Variants in ADGRL4 observed in about 807,000 individuals in gnomAD.
ADGRL4 encodes the protein adhesion G protein-coupled receptor L4.
In ADGRL4, 90 loss-of-function variants were observed where a neutral mutation model predicts 74.8. The observed-to-expected ratio is 1.20, with a 90% CI of 1.02 to 1.43. The LOEUF is 1.43. Among genes scored for constraint, ADGRL4 ranks in the 40% most tolerant of loss-of-function variants. ADGRL4 has a pLI of 0.00. For synonymous variants in ADGRL4, 311 were observed against 279.2 expected (o/e 1.11, Z -1.14); for missense variants, 881 against 814.3 (o/e 1.08, Z -1.00).
chr1:78,956,965 T>C (rs1355665920), intron 2 of ADGRL4, among the ~76,000 whole-genome samples: 7 of 152,190 alleles, frequency 4.6e-5, no homozygotes, highest in Non-Finnish European at 8.8e-5. Context: ...ACTTCAAGTC[T>C]GTGTCATATT....
chr1:78,906,052 C>T (rs1648628237), intron 12 of ADGRL4, among the ~76,000 whole-genome samples: 1 of 151,842 alleles, frequency 6.6e-6, no homozygotes, highest in Non-Finnish European at 1.5e-5. Context: ...TGGATAGACA[C>T]AATGGACAAC....
At chr1:78,962,027 T>C (rs1649963442) in intron 2 of ADGRL4, among the ~76,000 whole-genome samples, 1 of 152,050 alleles carries the variant, frequency 6.6e-6, no homozygotes, top group Admixed American at 6.6e-5. Flanking sequence ...ATTGCAGGCA[T>C]GCGCCATCAC....
intron 7 of ADGRL4, among the ~76,000 whole-genome samples, chr1:78,931,268 G>A (rs554874936): frequency 4.0e-5 from 6 of 151,458 alleles, no homozygotes; most frequent in African/African-American, 1.5e-4. Context: ...GAGATTGGGG[G>A]CCAATATTCA....
At chr1:78,961,824 C>A (rs147165365) in intron 2 of ADGRL4, among the ~76,000 whole-genome samples, 986 of 152,032 alleles carry the variant, frequency 6.5e-3, no homozygotes, top group Non-Finnish European at 0.011. Flanking sequence ...AAAGAGCAGT[C>A]CTGCATCATG....
intron 7 of ADGRL4, among the ~76,000 whole-genome samples, chr1:78,933,322 C>T (rs1392669855): frequency 1.3e-5 from 2 of 151,416 alleles, no homozygotes; most frequent in Non-Finnish European, 2.9e-5. Flanking sequence ...GAACCCAAGA[C>T]AAAAACCACA....
At chr1:78,892,248 CAAAAT>C (rs1346559130) in intron 13 of ADGRL4, among the ~76,000 whole-genome samples, 8 of 151,984 alleles carry the variant, frequency 5.3e-5, no homozygotes, top group Admixed American at 2.0e-4. Flanking sequence ...AAAAATATGT[CAAAAT>C]AAATTCATCA....
chr1:78,958,589 T>G (rs1268684749), intron 2 of ADGRL4, among the ~76,000 whole-genome samples: 2 of 152,190 alleles, frequency 1.3e-5, no homozygotes, highest in Admixed American at 6.5e-5. Context: ...TGCAATCTCA[T>G]GATATAACTT....
chr1:78,937,647 G>T (rs1158478610), intron 6 of ADGRL4, among the ~76,000 whole-genome samples, 160 bp downstream of exon 6: 1 of 152,164 alleles, frequency 6.6e-6, no homozygotes, highest in African/African-American at 2.4e-5. Flanking sequence ...TATTCACAAT[G>T]CTTTTGCAAT....
At chr1:78,891,729 A>G in intron 13 of ADGRL4, 37 bp from the exon 14 acceptor site, 1 of 1,560,274 alleles carries the variant, frequency 6.4e-7, no homozygotes, top group South Asian at 1.2e-5. Context: ...GAAGAAAGCT[A>G]CGTATAGTCA....
chr1:78,920,127 A>G (rs184716719), intron 10 of ADGRL4, 56 bp downstream of exon 10: 33 of 1,306,950 alleles, frequency 2.5e-5, no homozygotes, highest in Admixed American at 6.1e-5. Context: ...GGACATATAC[A>G]TTTAAGAAAG....
intron 2 of ADGRL4, among the ~76,000 whole-genome samples, chr1:78,966,479 G>A (rs937869663): frequency 6.6e-6 from 1 of 152,142 alleles, no homozygotes; most frequent in Non-Finnish European, 1.5e-5. Context: ...TGAGTAAAAT[G>A]GGGACTCAAA....
intron 2 of ADGRL4, among the ~76,000 whole-genome samples, chr1:78,980,359 T>G (rs1028254211): frequency 2.0e-5 from 3 of 151,918 alleles, no homozygotes; most frequent in African/African-American, 4.8e-5. Flanking sequence ...CCTAATACAT[T>G]GTCAGCTAAG....
rs1383881938 is a variant in ADGRL4, at chr1:78,890,511, A to G, written c.*643T>C. ...AGGTAAACCTTTTTTTTTTTTTTAG[A>G]ATATTAGAAAAAGAAACAGATTTAG... On this transcript the variant is annotated 3_prime_UTR_variant, in exon 15 of 15. Coordinates refer to ENST00000370742, the MANE Select transcript of ADGRL4 (RefSeq NM_022159.4). 1 of 146,368 alleles carries G rather than the reference A, an allele frequency of 6.8e-6. No homozygotes were observed. The highest frequency in any genetic ancestry group is 1.5e-5 in the Non-Finnish European group (1 of 66,804). The allele number at this position is 146,368 out of a possible 1,614,324, so 9.1% of individuals were successfully genotyped here.
In ADGRL4 at chr1:78,936,285, A is replaced by C. The variant is rs975264046; in HGVS notation, c.877+10T>G. 5.7e-6 allele frequency: 9 copies of C among 1,586,826 alleles called. No homozygotes were observed. In the African/African-American group the frequency reaches 1.2e-4, roughly 22 times the overall value. ...TTGATATATTGTCTGTTAGATTGTT[A>C]AAGTCCTACCATTTGAATCATATGC... On this transcript the variant is annotated intron_variant, in intron 7 of 14. Coordinates refer to ENST00000370742, the MANE Select transcript of ADGRL4 (RefSeq NM_022159.4).
intron 12 of ADGRL4, among the ~76,000 whole-genome samples, chr1:78,909,372 C>T (rs533170183): frequency 6.2e-4 from 94 of 151,866 alleles, no homozygotes; most frequent in African/African-American, 2.1e-3. Flanking sequence ...CTAGTGGTTC[C>T]CAGTGAAGAG....
chr1:78,952,893 A>C (rs555472621), intron 2 of ADGRL4, among the ~76,000 whole-genome samples: 2 of 152,110 alleles, frequency 1.3e-5, no homozygotes, highest in Non-Finnish European at 2.9e-5. Context: ...GACTTTGAAA[A>C]GTATGTATAA....
chr1:78,928,623 G>C (rs1649167207), intron 7 of ADGRL4, among the ~76,000 whole-genome samples: 1 of 151,272 alleles, frequency 6.6e-6, no homozygotes, highest in African/African-American at 2.5e-5. Context: ...CCAGGAACCA[G>C]AGATAGCCTT....
At chr1:78,992,407 C>G (rs963455318) in intron 2 of ADGRL4, among the ~76,000 whole-genome samples, 4 of 152,022 alleles carry the variant, frequency 2.6e-5, no homozygotes, top group Non-Finnish European at 4.4e-5. Flanking sequence ...AAATCCCATG[C>G]AAAAGGACTT....
chr1:78,958,492 T>G (rs1239618550), intron 2 of ADGRL4, among the ~76,000 whole-genome samples: 3 of 151,862 alleles, frequency 2.0e-5, no homozygotes, highest in African/African-American at 7.3e-5. Context: ...CTTGGAGGGG[T>G]TCAAGACTTC....
Sources: allele counts gnomAD v4.1 joint callset (sites outside exome capture counted in the v4.1 genomes callset), GRCh38; gene constraint gnomAD v4.1.1; transcripts MANE v1.5; gene names NCBI Gene and HGNC (gene_info 2026-07-23, HGNC 2026-07-21).